EFNA5: variants seen among roughly 807,000 people sequenced by gnomAD.
The protein encoded by EFNA5 is ephrin A5, also known as ephrin-A5.
Under a neutral mutation model 22.9 loss-of-function variants are expected in EFNA5, and 5 were observed. The observed-to-expected ratio is 0.22, with a 90% CI of 0.11 to 0.46. The LOEUF (loss-of-function observed/expected upper bound fraction) is 0.46. Ranked by LOEUF, EFNA5 falls within the 20% of genes least tolerant of loss-of-function variation. The pLI is 0.99. For missense variants in EFNA5, 237 were observed against 293.3 expected, an observed-to-expected ratio of 0.81 and a Z score of 1.40; for synonymous variants, 113 against 112.2, an observed-to-expected ratio of 1.01 and a Z score of -0.04.
intron 2 of EFNA5, among the ~76,000 whole-genome samples, chr5:107,393,295 A>T (rs1747834741): frequency 6.6e-6 from 1 of 152,234 alleles, no homozygotes; most frequent in African/African-American, 2.4e-5. Context: ...ATGAGACTTC[A>T]AACAACTCAA....
chr5:107,664,492 G>A (rs2112563148), intron 1 of EFNA5, among the ~76,000 whole-genome samples: 1 of 152,196 alleles, frequency 6.6e-6, no homozygotes, highest in South Asian at 2.1e-4. Context: ...TTGAAAAGCA[G>A]ACTAAAATAT....
chr5:107,481,730 A>G (rs1750467579), intron 1 of EFNA5, among the ~76,000 whole-genome samples: 1 of 151,820 alleles, frequency 6.6e-6, no homozygotes, highest in African/African-American at 2.4e-5. Flanking sequence ...CACACCTGTA[A>G]TCCCTGCTAC....
At chr5:107,627,804 C>T (rs1750173723) in intron 1 of EFNA5, among the ~76,000 whole-genome samples, 1 of 152,076 alleles carries the variant, frequency 6.6e-6, no homozygotes, top group South Asian at 2.1e-4. Flanking sequence ...GATGTTTACA[C>T]AAGTTGCAAA....
chr5:107,646,486 A>G (rs931685198), intron 1 of EFNA5, among the ~76,000 whole-genome samples: 4 of 152,328 alleles, frequency 2.6e-5, no homozygotes, highest in African/African-American at 4.8e-5. Flanking sequence ...CAAGTAGATT[A>G]TAAGTATCTG....
chr5:107,428,742 TC>T (rs1170983747), intron 1 of EFNA5, among the ~76,000 whole-genome samples: 1 of 152,224 alleles, frequency 6.6e-6, no homozygotes, highest in African/African-American at 2.4e-5. Context: ...TGTGAACACT[TC>T]CCAGTGGCAG....
intron 1 of EFNA5, among the ~76,000 whole-genome samples, chr5:107,523,450 A>G (rs1307539966): frequency 6.6e-6 from 1 of 152,214 alleles, no homozygotes; most frequent in Non-Finnish European, 1.5e-5. Flanking sequence ...GCAAACACCC[A>G]AAAGGCTACA....
At chr5:107,481,896 A>C (rs535788712) in intron 1 of EFNA5, among the ~76,000 whole-genome samples, 19 of 152,118 alleles carry the variant, frequency 1.2e-4, no homozygotes, top group African/African-American at 3.9e-4. Context: ...ATAGAGAGTC[A>C]GGGTTACAAT....
chr5:107,624,955 T>C (rs1417945753), intron 1 of EFNA5, among the ~76,000 whole-genome samples: 1 of 152,158 alleles, frequency 6.6e-6, no homozygotes, highest in Non-Finnish European at 1.5e-5. Flanking sequence ...ATAGCTTCAG[T>C]AATTTGTACT....
intron 1 of EFNA5, among the ~76,000 whole-genome samples, chr5:107,553,193 T>C (rs1748336403): frequency 6.6e-6 from 1 of 151,400 alleles, no homozygotes; most frequent in Non-Finnish European, 1.5e-5. Context: ...TACTTGGGTT[T>C]CCCCAGGGGC....
chr5:107,488,823 C>T (rs1292937237), intron 1 of EFNA5, among the ~76,000 whole-genome samples: 2 of 152,276 alleles, frequency 1.3e-5, no homozygotes, highest in African/African-American at 4.8e-5. Flanking sequence ...TCCCAAGTAG[C>T]TGGGATTACA....
chr5:107,535,702 T>C (rs1042602049), intron 1 of EFNA5, among the ~76,000 whole-genome samples: 2 of 152,200 alleles, frequency 1.3e-5, no homozygotes, highest in African/African-American at 2.4e-5. Context: ...GCAAATAATG[T>C]AGTGTCTGGT....
At chr5:107,587,760 G>T (rs1253367661) in intron 1 of EFNA5, among the ~76,000 whole-genome samples, 1 of 152,064 alleles carries the variant, frequency 6.6e-6, no homozygotes, top group Non-Finnish European at 1.5e-5. Context: ...CTCGTGATCC[G>T]CCCGCCTCGG....
chr5:107,554,454 AAATT>A, intron 1 of EFNA5, among the ~76,000 whole-genome samples: 1 of 152,350 alleles, frequency 6.6e-6, no homozygotes, highest in East Asian at 1.9e-4. Context: ...GATATGGGAA[AAATT>A]AATATTTGCA....
chr5:107,553,697 A>G (rs1748348724), intron 1 of EFNA5, among the ~76,000 whole-genome samples: 1 of 152,218 alleles, frequency 6.6e-6, no homozygotes, highest in Non-Finnish European at 1.5e-5. Context: ...TGCATATCCA[A>G]TGGGAATTCT....
At chr5:107,576,948 C>A (rs1382382614) in intron 1 of EFNA5, among the ~76,000 whole-genome samples, 1 of 152,156 alleles carries the variant, frequency 6.6e-6, no homozygotes, top group Non-Finnish European at 1.5e-5. Context: ...AGGGTTATTT[C>A]CAGTCCCAAA....
In EFNA5 at chr5:107,550,443, T is replaced by C. The variant is rs75751403; in HGVS notation, c.125+120046A>G. Among the ~76,000 whole-genome samples, 851 of 152,296 alleles carry C rather than the reference T, an allele frequency of 5.6e-3. 13 individuals carry two copies. The highest frequency in any genetic ancestry group is 0.019 in the African/African-American group (804 of 41,552). ...CTTTTGACAGTATTGTAGAGGAGAA[T>C]GATTATGCGCTTACCACCTACATCA... On this transcript the variant is annotated intron_variant, in intron 1 of 4. Coordinates refer to ENST00000333274, the MANE Select transcript of EFNA5 (RefSeq NM_001962.3).
intron 1 of EFNA5, among the ~76,000 whole-genome samples, chr5:107,438,345 G>A (rs577095904): frequency 2.6e-5 from 4 of 152,234 alleles, no homozygotes; most frequent in East Asian, 1.9e-4. Flanking sequence ...TATTTGAGAG[G>A]GTTCATCAGG....
chr5:107,595,084 C>A (rs1749446959), intron 1 of EFNA5, among the ~76,000 whole-genome samples: 1 of 151,730 alleles, frequency 6.6e-6, no homozygotes, highest in Non-Finnish European at 1.5e-5. Flanking sequence ...ATTGGTCCCC[C>A]CTTTAGTAAC....
intron 1 of EFNA5, among the ~76,000 whole-genome samples, chr5:107,433,460 T>G (rs191111745): frequency 1.3e-5 from 2 of 152,322 alleles, no homozygotes; most frequent in Admixed American, 1.3e-4. Flanking sequence ...CTAGGGCTAT[T>G]GACAGCAAAA....
Sources: allele counts gnomAD v4.1 joint callset (sites outside exome capture counted in the v4.1 genomes callset), GRCh38; gene constraint gnomAD v4.1.1; transcripts MANE v1.5; gene names NCBI Gene and HGNC (gene_info 2026-07-23, HGNC 2026-07-21).